PDE1A: variants seen among roughly 807,000 people sequenced by gnomAD.
PDE1A encodes phosphodiesterase 1A.
Under a neutral mutation model 61.7 loss-of-function variants are expected in PDE1A, and 35 were observed. The observed-to-expected ratio is 0.57, with a 90% confidence interval of 0.43 to 0.75. PDE1A has a LOEUF of 0.75. Among genes scored for constraint, PDE1A ranks in the 30% least tolerant of loss-of-function variants. PDE1A has a pLI of 0.00. For synonymous variants in PDE1A, 232 were observed against 213.2 expected, an observed-to-expected ratio of 1.09 and a Z score of -0.77; for missense variants, 597 against 630.6, an observed-to-expected ratio of 0.95 and a Z score of 0.57.
intron 1 of PDE1A, among the ~76,000 whole-genome samples, chr2:182,331,077 A>T (rs1346493775): frequency 6.6e-6 from 1 of 152,134 alleles, no homozygotes; most frequent in Admixed American, 6.5e-5. Flanking sequence ...TTTGAAGCAT[A>T]TCTATTTATT....
At chr2:182,585,150 T>C in the PDE1A span, among the ~76,000 whole-genome samples, 6 of 152,332 alleles carry the variant, frequency 3.9e-5, no homozygotes, top group South Asian at 8.3e-4. Context: ...CTCTCATGTA[T>C]ATCCCATTTA....
At chr2:182,499,772 T>C (rs889576039) in intron 2 of PDE1A, among the ~76,000 whole-genome samples, 1 of 152,348 alleles carries the variant, frequency 6.6e-6, no homozygotes, top group South Asian at 2.1e-4. Flanking sequence ...TTTTTACACA[T>C]GTATTTCTCA....
intron 1 of PDE1A, among the ~76,000 whole-genome samples, chr2:182,334,196 T>A (rs1224699055): frequency 6.6e-6 from 1 of 150,700 alleles, no homozygotes; most frequent in Non-Finnish European, 1.5e-5. Flanking sequence ...TTCCAAACAA[T>A]GGAAAAAGAA....
intron 2 of PDE1A, among the ~76,000 whole-genome samples, chr2:182,244,302 A>T (rs958944256): frequency 1.3e-5 from 2 of 151,256 alleles, no homozygotes; most frequent in African/African-American, 4.9e-5. Context: ...TCATTTTTCC[A>T]CTAAACTTTT....
At chr2:182,332,692 T>C (rs946991235) in intron 1 of PDE1A, among the ~76,000 whole-genome samples, 6 of 152,140 alleles carry the variant, frequency 3.9e-5, no homozygotes, top group Non-Finnish European at 7.4e-5. Flanking sequence ...ACAGCAAAGA[T>C]TGCAGCCTGC....
chr2:182,473,274 A>C (rs4018730), intron 2 of PDE1A, among the ~76,000 whole-genome samples: 58,016 of 151,690 alleles, frequency 0.38, 12,097 homozygotes, highest in East Asian at 0.71. Context: ...CAAAATTGAC[A>C]AATGGGATCT....
chr2:182,643,789 T>A, the PDE1A span, among the ~76,000 whole-genome samples: 1 of 152,232 alleles, frequency 6.6e-6, no homozygotes, highest in African/African-American at 2.4e-5. Context: ...GATCTTTAAA[T>A]GAAAGAATTG....
At chr2:182,616,623 TTG>T in the PDE1A span, among the ~76,000 whole-genome samples, 2 of 152,236 alleles carry the variant, frequency 1.3e-5, no homozygotes, top group Non-Finnish European at 2.9e-5. Flanking sequence ...AGCCAATTAT[TTG>T]TCTTAGTCAG....
At chr2:182,385,176 C>T (rs1460979304) in intron 1 of PDE1A, among the ~76,000 whole-genome samples, 1 of 152,134 alleles carries the variant, frequency 6.6e-6, no homozygotes, top group East Asian at 1.9e-4. Context: ...GGGAATTATT[C>T]AAGTTGAAAG....
chr2:182,174,144 G>A (rs113153478), intron 13 of PDE1A, among the ~76,000 whole-genome samples: 145 of 152,118 alleles, frequency 9.5e-4, no homozygotes, highest in African/African-American at 3.4e-3. Flanking sequence ...TTGGGGTGGG[G>A]TGCCAAGGCT....
At chr2:182,334,342 A>G (rs1475734099) in intron 1 of PDE1A, among the ~76,000 whole-genome samples, 3 of 152,068 alleles carry the variant, frequency 2.0e-5, no homozygotes, top group Non-Finnish European at 2.9e-5. Flanking sequence ...TTTCAGGCCA[A>G]TATCCCTGAT....
intron 2 of PDE1A, among the ~76,000 whole-genome samples, chr2:182,482,079 T>C (rs1363575390): frequency 2.6e-5 from 4 of 151,952 alleles, no homozygotes; most frequent in African/African-American, 9.7e-5. Context: ...ATTTACACAT[T>C]GTCACTATTT....
At chr2:182,151,408 C>G (rs138342156) in intron 13 of PDE1A, among the ~76,000 whole-genome samples, 1 of 152,092 alleles carries the variant, frequency 6.6e-6, no homozygotes, top group African/African-American at 2.4e-5. Context: ...CCCTGCCCCC[C>G]TCACAGCAAT....
chr2:182,177,377 C>G (rs950808536), intron 13 of PDE1A, among the ~76,000 whole-genome samples: 1 of 151,760 alleles, frequency 6.6e-6, no homozygotes, highest in Non-Finnish European at 1.5e-5. Context: ...TGTTATTGGT[C>G]TATTCAGAGA....
intron 1 of PDE1A, among the ~76,000 whole-genome samples, chr2:182,376,402 G>C (rs1700406746): frequency 6.6e-6 from 1 of 152,180 alleles, no homozygotes; most frequent in African/African-American, 2.4e-5. Context: ...ACAAAACGCT[G>C]CCAGTCTCTT....
chr2:182,147,638 CT>C (rs1456001849), intron 13 of PDE1A, among the ~76,000 whole-genome samples: 2 of 152,096 alleles, frequency 1.3e-5, no homozygotes, highest in African/African-American at 2.4e-5. Flanking sequence ...TCCATATAAA[CT>C]TTCAAGAAAA....
chr2:182,538,413 T>C, the PDE1A span, among the ~76,000 whole-genome samples: 2 of 152,160 alleles, frequency 1.3e-5, no homozygotes, highest in East Asian at 1.9e-4. Flanking sequence ...ATATCTTCTG[T>C]AGATATTATG....
intron 1 of PDE1A, among the ~76,000 whole-genome samples, chr2:182,329,449 G>A (rs1697260425): frequency 6.6e-6 from 1 of 152,064 alleles, no homozygotes; most frequent in Non-Finnish European, 1.5e-5. Flanking sequence ...GAGTGCAATG[G>A]GGCAATCTCG....
chr2:182,380,889 G>C (rs566856563), intron 1 of PDE1A, among the ~76,000 whole-genome samples: 2 of 152,284 alleles, frequency 1.3e-5, no homozygotes, highest in South Asian at 4.1e-4. Flanking sequence ...CTATGCTGAA[G>C]AGCACTAAAA....
Sources: gnomAD v4.1 joint callset for allele counts (sites outside exome capture counted in the v4.1 genomes callset) on GRCh38, gnomAD v4.1.1 for gene constraint, MANE v1.5 for transcripts, NCBI Gene and HGNC (gene_info 2026-07-23, HGNC 2026-07-21) for gene names.